The following ETV6 variants were observed in gnomAD, a reference collection of about 807,000 sequenced individuals.
The protein encoded by ETV6 is transcription factor ETV6.
A neutral mutation model predicts 51.1 loss-of-function variants in ETV6; 16 were observed. That is an observed-to-expected ratio of 0.31 (90% CI 0.21 to 0.48). ETV6 has a LOEUF of 0.48. ETV6 is among the 20% of genes least tolerant of loss of function. The probability of loss-of-function intolerance (pLI) is 0.99; values close to 1 mark genes in which losing one functional copy is unlikely to be tolerated. For missense variants in ETV6, 458 were observed against 594.8 expected, an observed-to-expected ratio of 0.77 and a Z score of 2.39; for synonymous variants, 240 against 224.1, an observed-to-expected ratio of 1.07 and a Z score of -0.64.
chr12:11,883,627 C>T (rs528282792), intron 5 of ETV6, among the ~76,000 whole-genome samples: 9 of 152,188 alleles, frequency 5.9e-5, no homozygotes, highest in African/African-American at 2.2e-4. Context: ...AGCCCACAGC[C>T]AAAAACCAAG....
intron 1 of ETV6, among the ~76,000 whole-genome samples, chr12:11,674,915 C>T (rs1565482014): frequency 1.3e-5 from 2 of 152,114 alleles, no homozygotes; most frequent in African/African-American, 4.8e-5. Context: ...TCTGGTGAGA[C>T]CCGCTGCCCT....
chr12:11,774,780 G>C (rs1332899523), intron 2 of ETV6, among the ~76,000 whole-genome samples: 1 of 152,188 alleles, frequency 6.6e-6, no homozygotes, highest in South Asian at 2.1e-4. Flanking sequence ...CATCAAAACT[G>C]CTCCTTGAAG....
At chr12:11,738,520 T>C (rs1865751748) in intron 1 of ETV6, among the ~76,000 whole-genome samples, 1 of 151,634 alleles carries the variant, frequency 6.6e-6, no homozygotes, top group African/African-American at 2.4e-5. Flanking sequence ...TTGCCCAGAC[T>C]CATCTCAAAC....
chr12:11,883,001 G>A (rs1947124316), intron 5 of ETV6, among the ~76,000 whole-genome samples: 1 of 152,212 alleles, frequency 6.6e-6, no homozygotes, highest in South Asian at 2.1e-4. Flanking sequence ...CAGGTAAAGT[G>A]CCGAGTTCAT....
At chr12:11,717,867 C>G (rs967317404) in intron 1 of ETV6, among the ~76,000 whole-genome samples, 1 of 152,140 alleles carries the variant, frequency 6.6e-6, no homozygotes, top group Non-Finnish European at 1.5e-5. Context: ...TCCAACTACT[C>G]GCTGCAACAA....
At chr12:11,767,654 C>T (rs1945182520) in intron 2 of ETV6, among the ~76,000 whole-genome samples, 1 of 152,204 alleles carries the variant, frequency 6.6e-6, no homozygotes, top group Non-Finnish European at 1.5e-5. Context: ...AGAAATCAAA[C>T]TCTATGACCT....
At chr12:11,691,274 G>A (rs1864757180) in intron 1 of ETV6, among the ~76,000 whole-genome samples, 1 of 152,062 alleles carries the variant, frequency 6.6e-6, no homozygotes, top group African/African-American at 2.4e-5. Flanking sequence ...ACGAATTCTG[G>A]GGTAACACAA....
At position 11,674,615 on chromosome 12, in the gene ETV6, T is replaced by TTGTGTGTGTGTGTG. The variant is rs5796457; in HGVS notation, c.33+24489_33+24502dup. On this transcript the variant is annotated intron_variant, in intron 1 of 7. Transcript: ENST00000396373. ...CCATAGGGGTTAATGTAGGGGTTATTTGTGTGTGTGTGTGTGTGTGTGTGT... is the reference window on the plus strand; with the variant it reads ...CCATAGGGGTTAATGTAGGGGTTATTTGTGTGTGTGTGTGTGTGTGTGTGTGTGTGTGTGTGTGT... 1.8e-3 allele frequency among the ~76,000 whole-genome samples: 246 copies of TTGTGTGTGTGTGTG among 133,238 alleles called. 2 individuals are homozygous for TTGTGTGTGTGTGTG. The highest frequency in any genetic ancestry group is 4.7e-3 in the African/African-American group (164 of 34,936). The allele number at this position is 133,238 out of a possible 152,430, so 87.4% of individuals were successfully genotyped here.
chr12:11,766,338 T>C (rs1464652181), intron 2 of ETV6, among the ~76,000 whole-genome samples: 1 of 152,126 alleles, frequency 6.6e-6, no homozygotes, highest in African/African-American at 2.4e-5. Flanking sequence ...AGGGAAACAG[T>C]TTCATAATGA....
At chr12:11,784,360 G>A (rs1437965029) in intron 2 of ETV6, among the ~76,000 whole-genome samples, 1 of 151,854 alleles carries the variant, frequency 6.6e-6, no homozygotes, top group Non-Finnish European at 1.5e-5. Flanking sequence ...CTGGGAGGCT[G>A]AGGTGGGAAG....
At chr12:11,693,112 TAGAG>T (rs1447224638) in intron 1 of ETV6, among the ~76,000 whole-genome samples, 3 of 152,154 alleles carry the variant, frequency 2.0e-5, no homozygotes, top group African/African-American at 7.2e-5. Flanking sequence ...ACTTAGGTCT[TAGAG>T]AGTGCCTACC....
intron 1 of ETV6, among the ~76,000 whole-genome samples, chr12:11,719,743 G>A (rs1865346304): frequency 6.6e-6 from 1 of 152,206 alleles, no homozygotes; most frequent in African/African-American, 2.4e-5. Flanking sequence ...CACGGGGGTG[G>A]GTCTGGGGCA....
intron 1 of ETV6, among the ~76,000 whole-genome samples, chr12:11,663,553 C>A (rs150334774): frequency 8.2e-4 from 125 of 152,250 alleles, no homozygotes; most frequent in African/African-American, 2.9e-3. Context: ...CTTGTTGTGG[C>A]GAAGAAACCT....
At chr12:11,670,435 A>G (rs1347931657) in intron 1 of ETV6, among the ~76,000 whole-genome samples, 1 of 152,268 alleles carries the variant, frequency 6.6e-6, no homozygotes, top group Non-Finnish European at 1.5e-5. Flanking sequence ...TGTAATTTCA[A>G]TAACTAAATA....
chr12:11,845,129 A>G (rs114263016), intron 3 of ETV6, among the ~76,000 whole-genome samples: 1,768 of 152,196 alleles, frequency 0.012, 32 homozygotes, highest in African/African-American at 0.04. Flanking sequence ...GCACCCGGCC[A>G]TCATTTTATT....
intron 1 of ETV6, among the ~76,000 whole-genome samples, chr12:11,748,576 A>G (rs1865949626): frequency 6.6e-6 from 1 of 152,210 alleles, no homozygotes; most frequent in Admixed American, 6.5e-5. Context: ...TGGAAGCTTT[A>G]TATTGAATAA....
intron 1 of ETV6, among the ~76,000 whole-genome samples, chr12:11,666,706 G>A (rs1027915830): frequency 7.2e-5 from 11 of 152,218 alleles, no homozygotes; most frequent in Non-Finnish European, 1.5e-5. Flanking sequence ...ATTAGGATAT[G>A]TGAAAACTTT....
intron 2 of ETV6, among the ~76,000 whole-genome samples, chr12:11,774,561 T>A (rs1358609012): frequency 6.6e-6 from 1 of 152,178 alleles, no homozygotes; most frequent in Non-Finnish European, 1.5e-5. Context: ...CTTTGTTGGC[T>A]CCCGAAGCAC....
chr12:11,870,993 A>T (rs947690672), intron 5 of ETV6, among the ~76,000 whole-genome samples: 2 of 152,090 alleles, frequency 1.3e-5, no homozygotes, highest in African/African-American at 4.8e-5. Context: ...CTGATACTGA[A>T]GTGACTGTGC....
Sources: allele counts gnomAD v4.1 joint callset (sites outside exome capture counted in the v4.1 genomes callset), GRCh38; gene constraint gnomAD v4.1.1; transcripts MANE v1.5; gene names NCBI Gene and HGNC (gene_info 2026-07-23, HGNC 2026-07-21).